The following ZNF652 variants were observed in gnomAD, a reference collection of about 807,000 sequenced individuals.
The protein encoded by ZNF652 is zinc finger protein 652.
A neutral mutation model predicts 45.2 loss-of-function variants in ZNF652; 16 were observed. That is an observed-to-expected ratio of 0.35 (90% CI 0.24 to 0.54). The LOEUF is 0.54. Among genes scored for constraint, ZNF652 ranks in the 20% least tolerant of loss-of-function variants. The probability of loss-of-function intolerance (pLI) is 0.91; values close to 1 mark genes in which losing one functional copy is unlikely to be tolerated. For missense variants in ZNF652, 614 were observed against 765.6 expected (o/e 0.80, Z 2.34); for synonymous variants, 250 against 260.6 (o/e 0.96, Z 0.39).
At chr17:49,300,213 G>A (rs2069533391) in intron 5 of ZNF652, among the ~76,000 whole-genome samples, 1 of 152,122 alleles carries the variant, frequency 6.6e-6, no homozygotes, top group Admixed American at 6.5e-5. Context: ...CATTATGTGG[G>A]ACTATCTGGC....
At chr17:49,359,450 A>T (rs8081878) in intron 1 of ZNF652, among the ~76,000 whole-genome samples, 65,056 of 151,966 alleles carry the variant, frequency 0.43, 14,294 homozygotes, top group East Asian at 0.48. Flanking sequence ...AGTGCCAGTT[A>T]ATATCATAAA....
intron 1 of ZNF652, among the ~76,000 whole-genome samples, chr17:49,350,909 G>T (rs2070264111): frequency 6.8e-6 from 1 of 148,040 alleles, no homozygotes; most frequent in Non-Finnish European, 1.5e-5. Flanking sequence ...GGCAGAGGTT[G>T]CAGTGAGCCA....
intron 5 of ZNF652, among the ~76,000 whole-genome samples, chr17:49,310,197 C>T (rs1306499593): frequency 1.3e-5 from 2 of 152,228 alleles, no homozygotes; most frequent in Non-Finnish European, 2.9e-5. Flanking sequence ...TTGTGACCCA[C>T]CCGCCTTGGC....
At chr17:49,323,558 C>T (rs1392288211) in intron 1 of ZNF652, among the ~76,000 whole-genome samples, 1 of 152,198 alleles carries the variant, frequency 6.6e-6, no homozygotes, top group Admixed American at 6.5e-5. Context: ...TTTCAAATTA[C>T]TTTGCCCAGA....
intron 5 of ZNF652, among the ~76,000 whole-genome samples, chr17:49,306,898 A>G (rs1018601266): frequency 1.3e-5 from 2 of 151,944 alleles, no homozygotes; most frequent in Non-Finnish European, 2.9e-5. Context: ...GATTACAGGC[A>G]TGCGCCACCA....
chr17:49,326,368 A>G (rs1171996373), intron 1 of ZNF652, among the ~76,000 whole-genome samples: 1 of 152,192 alleles, frequency 6.6e-6, no homozygotes. Flanking sequence ...CCAAAAGAAC[A>G]ACCAGCTTGG....
Position 49,295,563 on chromosome 17 carries a change from A to G in ZNF652, c.*2850T>C, listed in dbSNP as rs531398809. ...CCTGAATATTCCAGTGTATAATTAC[A>G]GTACAACCTCATGAAATGGTTGATT... On this transcript the variant is annotated 3_prime_UTR_variant, in exon 6 of 6. Coordinates refer to ENST00000430262, the MANE Select transcript of ZNF652 (RefSeq NM_001145365.3). The G allele has an allele frequency of 6.5e-6, 1 of 152,702 alleles. No individual in the cohort carries two copies. Among genetic ancestry groups the G allele is most frequent in the East Asian group, 1.9e-4 (1 of 5,184 alleles). The allele number at this position is 152,702 out of a possible 1,614,324, so 9.5% of individuals were successfully genotyped here.
chr17:49,322,187 T>C (rs72835489), intron 1 of ZNF652, among the ~76,000 whole-genome samples: 2,343 of 152,346 alleles, frequency 0.015, 33 homozygotes, highest in Non-Finnish European at 0.025. Context: ...ATTTCTCTAA[T>C]GTGAATTAAT....
chr17:49,331,807 T>C, intron 1 of ZNF652, among the ~76,000 whole-genome samples: 1 of 152,104 alleles, frequency 6.6e-6, no homozygotes, highest in East Asian at 1.9e-4. Context: ...AAAATTAACA[T>C]TTTGTATAAA....
chr17:49,343,795 C>A (rs2070173910), intron 1 of ZNF652, among the ~76,000 whole-genome samples: 1 of 152,064 alleles, frequency 6.6e-6, no homozygotes, highest in African/African-American at 2.4e-5. Flanking sequence ...TGGCTCATGC[C>A]TGTAATCCCA....
intron 1 of ZNF652, among the ~76,000 whole-genome samples, chr17:49,347,364 A>T (rs1438506820): frequency 6.6e-6 from 1 of 152,200 alleles, no homozygotes; most frequent in East Asian, 1.9e-4. Context: ...CAGGAGTTTC[A>T]GACTAGCCTG....
At chr17:49,327,485 T>C (rs1313956826) in intron 1 of ZNF652, among the ~76,000 whole-genome samples, 4 of 151,670 alleles carry the variant, frequency 2.6e-5, no homozygotes, top group Non-Finnish European at 5.9e-5. Flanking sequence ...TATCATATAA[T>C]TGTTAAACAT....
intron 5 of ZNF652, among the ~76,000 whole-genome samples, chr17:49,310,347 C>T (rs1387224974): frequency 6.6e-6 from 1 of 152,154 alleles, no homozygotes; most frequent in Non-Finnish European, 1.5e-5. Flanking sequence ...AATGTTTCAT[C>T]CTGTTCAATT....
At chr17:49,314,489 T>C (rs1045282463) in intron 2 of ZNF652, among the ~76,000 whole-genome samples, 1 of 151,580 alleles carries the variant, frequency 6.6e-6, no homozygotes, top group African/African-American at 2.4e-5. Context: ...TTAAAGAAAA[T>C]TTTTTTAGTC....
rs2240302 is a variant in ZNF652 at position 49,299,464 on chromosome 17, T to A, written c.1310-540A>T. 1.1e-4 allele frequency among the ~76,000 whole-genome samples: 16 copies of A among 152,074 alleles called. 1 individual carries two copies. The highest frequency in any genetic ancestry group is 3.4e-3 in the Middle Eastern group (1 of 292). ...GGTGCAATCTTGGCTCACTGCAACC[T>A]CCACCTCCCGGGTTCTAATGATTCT... On this transcript the variant is annotated intron_variant, in intron 5 of 5. Coordinates refer to ENST00000430262, the MANE Select transcript of ZNF652 (RefSeq NM_001145365.3).
Position 49,294,543 on chromosome 17 carries a change from C to A in ZNF652, c.*3870G>T, listed in dbSNP as rs771275124. ...TCATTCAAATTTAAAAATCTAACTCCGAATGAGCCTATCTGACTCAATTTG... is the reference window on the plus strand; with the variant it reads ...TCATTCAAATTTAAAAATCTAACTCAGAATGAGCCTATCTGACTCAATTTG... On this transcript the variant is annotated 3_prime_UTR_variant, in exon 6 of 6. Transcript: ENST00000430262. The A allele has an allele frequency of 6.6e-6, 1 of 152,022 alleles. No individual in the cohort carries two copies. The highest frequency in any genetic ancestry group is 1.5e-5 in the Non-Finnish European group (1 of 67,994). 9.4% of individuals were successfully genotyped at this position (152,022 alleles called of 1,614,324 possible). A position where few individuals can be genotyped will look rare whatever the true frequency, so the allele number is the denominator to read the frequency against.
chr17:49,321,100 T>C (rs1008398884), intron 1 of ZNF652, among the ~76,000 whole-genome samples: 7 of 152,174 alleles, frequency 4.6e-5, no homozygotes, highest in African/African-American at 1.7e-4. Context: ...CAGCATATTA[T>C]GAGAAGTGAC....
At position 49,310,848 on chromosome 17, in the gene ZNF652, GCTGAGATC is replaced by G. The variant is rs548166072; in HGVS notation, c.1309+456_1309+463del. Among the ~76,000 whole-genome samples the G allele has an allele frequency of 2.3e-4, 35 of 152,382 alleles. 1 individual carries two copies. In the South Asian group the frequency reaches 6.0e-3, roughly 26 times the overall value. ...GCCTGGGAGGCGGAGGCTGCAGTGA[GCTGAGATC>G]GCGCCACTGCCCTCCAGCCTGGATA... On this transcript the variant is annotated intron_variant, in intron 5 of 5. Transcript: ENST00000430262.
intron 1 of ZNF652, among the ~76,000 whole-genome samples, chr17:49,358,332 G>A (rs1212681631): frequency 6.6e-6 from 1 of 152,190 alleles, no homozygotes; most frequent in Non-Finnish European, 1.5e-5. Flanking sequence ...CTGATTGTCA[G>A]AAATGATGAC....
Sources: gnomAD v4.1 joint callset for allele counts (sites outside exome capture counted in the v4.1 genomes callset) on GRCh38, gnomAD v4.1.1 for gene constraint, MANE v1.5 for transcripts, NCBI Gene and HGNC (gene_info 2026-07-23, HGNC 2026-07-21) for gene names.